Variants in ARSB observed in about 807,000 individuals in gnomAD.
ARSB encodes the protein arylsulfatase B, also known as N-acetylgalactosamine-4-sulfatase.
ARSB carries 41 observed loss-of-function variants against 50.9 expected under a neutral mutation model. The ratio of observed to expected loss-of-function variants is 0.81; its 90% CI spans 0.63 to 1.04. The LOEUF (loss-of-function observed/expected upper bound fraction) is 1.04, where lower values mean the gene tolerates loss of function less well. ARSB is among the 50% of genes least tolerant of loss of function. The pLI is 0.00. For synonymous variants in ARSB, 269 were observed against 284.8 expected (o/e 0.94, Z 0.56); for missense variants, 672 against 693.3 (o/e 0.97, Z 0.35).
chr5:78,968,319 TTATTATTATTATTATTATTATTATTA>T (rs1752296344), intron 2 of ARSB, among the ~76,000 whole-genome samples: 1 of 8,860 alleles, frequency 1.1e-4, no homozygotes, highest in African/African-American at 8.2e-4. Flanking sequence ...TTTTATTTTA[TTATTATTATTATTATTATTATTATTA>T]TTATTATTAT....
chr5:78,949,952 A>G (rs926232809), intron 4 of ARSB, among the ~76,000 whole-genome samples: 1 of 152,122 alleles, frequency 6.6e-6, no homozygotes, highest in Non-Finnish European at 1.5e-5. Flanking sequence ...ATATAAATAC[A>G]CAATGGCTGC....
intron 5 of ARSB, among the ~76,000 whole-genome samples, chr5:78,873,622 A>C (rs1372295246): frequency 1.4e-5 from 2 of 146,758 alleles, no homozygotes; most frequent in Non-Finnish European, 3.0e-5. Context: ...CAGCCTCCCA[A>C]GGAGCTGGGA....
chr5:78,955,642 C>G (rs1312796671), intron 3 of ARSB, 140 bp from the exon 4 acceptor site: 2 of 753,170 alleles, frequency 2.7e-6, no homozygotes, highest in Non-Finnish European at 4.6e-6. Context: ...TTGTGAATCA[C>G]ATGTATGATA....
intron 6 of ARSB, among the ~76,000 whole-genome samples, chr5:78,831,752 G>A (rs1427089292): frequency 6.6e-6 from 1 of 152,116 alleles, no homozygotes; most frequent in East Asian, 1.9e-4. Flanking sequence ...TTAGCCTCTG[G>A]CATTCTATGC....
intron 5 of ARSB, among the ~76,000 whole-genome samples, chr5:78,861,096 C>A (rs186674313): frequency 2.0e-5 from 3 of 152,130 alleles, no homozygotes; most frequent in Non-Finnish European, 4.4e-5. Context: ...CAATAACAGG[C>A]TCTGAAATTG....
At chr5:78,844,664 T>C (rs1745365876) in intron 5 of ARSB, among the ~76,000 whole-genome samples, 1 of 152,184 alleles carries the variant, frequency 6.6e-6, no homozygotes, top group African/African-American at 2.4e-5. Flanking sequence ...TTTTAATTCT[T>C]ACATTTAGGT....
intron 1 of ARSB, among the ~76,000 whole-genome samples, chr5:78,973,449 T>C (rs992415973): frequency 6.6e-6 from 1 of 152,232 alleles, no homozygotes; most frequent in African/African-American, 2.4e-5. Context: ...CTAGGCTCTT[T>C]CTGTGACATA....
chr5:78,890,740 C>T (rs146699102), intron 4 of ARSB, among the ~76,000 whole-genome samples: 377 of 152,288 alleles, frequency 2.5e-3, no homozygotes, highest in African/African-American at 8.7e-3. Flanking sequence ...GGTATCAACT[C>T]CTGTCCTCCC....
chr5:78,835,272 C>T (rs1007727902), intron 6 of ARSB, among the ~76,000 whole-genome samples: 2 of 152,132 alleles, frequency 1.3e-5, no homozygotes, highest in East Asian at 1.9e-4. Context: ...CAGGATGGGC[C>T]TCTGGGCACC....
intron 5 of ARSB, among the ~76,000 whole-genome samples, chr5:78,850,223 G>A (rs988456775): frequency 4.6e-5 from 7 of 152,224 alleles, no homozygotes; most frequent in East Asian, 1.9e-4. Flanking sequence ...ATTATTTTGA[G>A]ATACGTCCCA....
At chr5:78,862,420 T>C (rs905900925) in intron 5 of ARSB, among the ~76,000 whole-genome samples, 7 of 152,096 alleles carry the variant, frequency 4.6e-5, no homozygotes, top group Non-Finnish European at 7.4e-5. Flanking sequence ...AACAGAGATA[T>C]AGACCAATGG....
At chr5:78,869,222 C>T (rs367574868) in intron 5 of ARSB, among the ~76,000 whole-genome samples, 302 of 94,472 alleles carry the variant, frequency 3.2e-3, no homozygotes, top group Middle Eastern at 0.016. Context: ...TGGGAGACTT[C>T]AATACCCCAC....
At position 78,877,534 on chromosome 5, in the gene ARSB, G is replaced by A. The variant is rs980069454; in HGVS notation, c.1142+8050C>T. ...CTCCCTAGTAGCTGGGATCACAGGC[G>A]CCCGCCACCATGCTCAGCTAATTTT... On this transcript the variant is annotated intron_variant, in intron 5 of 7. Transcript: ENST00000264914. Among the ~76,000 whole-genome samples the A allele has an allele frequency of 6.6e-5, 10 of 151,954 alleles. 1 individual carries two copies. The highest frequency in any genetic ancestry group is 1.0e-4 in the Non-Finnish European group (7 of 67,978).
chr5:78,918,128 T>C (rs1749642385), intron 4 of ARSB, among the ~76,000 whole-genome samples: 1 of 152,264 alleles, frequency 6.6e-6, no homozygotes, highest in South Asian at 2.1e-4. Flanking sequence ...GTCTTCTAAA[T>C]ACAGCAACTA....
chr5:78,849,025 C>G (rs1220007751), intron 5 of ARSB, among the ~76,000 whole-genome samples: 2 of 152,188 alleles, frequency 1.3e-5, no homozygotes, highest in African/African-American at 4.8e-5. Flanking sequence ...TGCCTGTTCA[C>G]TTTGATGGTA....
In ARSB at chr5:78,864,215, C is replaced by T. The variant is rs558177106; in HGVS notation, c.1142+21369G>A. ...TCCGTTTTCATGCTGCTGATAAAGA[C>T]ATCCCCAAGACTGGACAATTTACAA... On this transcript the variant is annotated intron_variant, in intron 5 of 7. Coordinates refer to ENST00000264914, the MANE Select transcript of ARSB (RefSeq NM_000046.5). Among the ~76,000 whole-genome samples the T allele has an allele frequency of 3.3e-5, 5 of 152,202 alleles. No homozygotes were observed. In the South Asian group the frequency reaches 6.2e-4, roughly 19 times the overall value.
chr5:78,885,929 T>TA (rs201670623), intron 4 of ARSB, 102 bp from the exon 5 acceptor site: 443 of 1,553,502 alleles, frequency 2.9e-4, no homozygotes, highest in Middle Eastern at 2.1e-3. Context: ...GCTTAAATAA[T>TA]AAAAAAAAAG....
chr5:78,969,531 A>G (rs2020368), intron 1 of ARSB, among the ~76,000 whole-genome samples: 40,213 of 152,034 alleles, frequency 0.26, 6,589 homozygotes, highest in African/African-American at 0.47. Flanking sequence ...AAGCGTTCCA[A>G]TTTTGGGCAC....
At chr5:78,910,898 T>C (rs1035425896) in intron 4 of ARSB, among the ~76,000 whole-genome samples, 1 of 152,188 alleles carries the variant, frequency 6.6e-6, no homozygotes. Context: ...TTCCAGGTGA[T>C]AGTGATATTG....
Sources: gnomAD v4.1 joint callset for allele counts (sites outside exome capture counted in the v4.1 genomes callset) on GRCh38, gnomAD v4.1.1 for gene constraint, MANE v1.5 for transcripts, NCBI Gene and HGNC (gene_info 2026-07-23, HGNC 2026-07-21) for gene names.